Variants in AUTS2 observed in about 807,000 individuals in gnomAD.
AUTS2 encodes the protein activator of transcription and developmental regulator AUTS2.
In AUTS2, 17 loss-of-function variants were observed where a neutral mutation model predicts 112.4. That is an observed-to-expected ratio of 0.15 (90% CI 0.10 to 0.23). The LOEUF is 0.23. Among genes scored for constraint, AUTS2 ranks in the 10% least tolerant of loss-of-function variants. The pLI is 1.00. For synonymous variants in AUTS2, 751 were observed against 702.7 expected (o/e 1.07, Z -1.09); for missense variants, 1,510 against 1,701.6 (o/e 0.89, Z 1.98).
At chr7:69,665,466 T>C (rs895399163) in intron 1 of AUTS2, among the ~76,000 whole-genome samples, 2 of 152,206 alleles carry the variant, frequency 1.3e-5, no homozygotes, top group East Asian at 3.8e-4. Context: ...GGTTTAAAGC[T>C]GTAGGAGTCT....
chr7:70,629,134 G>A (rs1237081345), intron 5 of AUTS2, among the ~76,000 whole-genome samples: 1 of 152,172 alleles, frequency 6.6e-6, no homozygotes, highest in African/African-American at 2.4e-5. Context: ...GAAGAGGTCA[G>A]GTAGCAGCAT....
intron 4 of AUTS2, among the ~76,000 whole-genome samples, chr7:70,338,318 T>C (rs1791087705): frequency 6.6e-6 from 1 of 152,198 alleles, no homozygotes; most frequent in Admixed American, 6.5e-5. Context: ...ATGGTTTTGA[T>C]TGTCATGTGA....
chr7:70,769,638 C>T (rs182805474), intron 10 of AUTS2, among the ~76,000 whole-genome samples: 36 of 152,218 alleles, frequency 2.4e-4, no homozygotes, highest in African/African-American at 7.2e-4. Context: ...TGATCTGAGA[C>T]GGCTCCACTG....
chr7:69,740,480 T>C (rs1787215438), intron 1 of AUTS2, among the ~76,000 whole-genome samples: 1 of 152,146 alleles, frequency 6.6e-6, no homozygotes, highest in South Asian at 2.1e-4. Context: ...TTGTGAAACA[T>C]AATTAAAGAT....
At position 69,856,974 on chromosome 7, in the gene AUTS2, G is replaced by A. The variant is rs553651337; in HGVS notation, c.310-42312G>A. Among the ~76,000 whole-genome samples, 23 of 152,308 alleles carry A rather than the reference G, an allele frequency of 1.5e-4. No individual in the cohort carries two copies. In the East Asian group the frequency reaches 3.7e-3, roughly 24 times the overall value. ...AGGAACTACTGTTTTTCTTTGAAAAGCCAGGAATTTCACGGCTCCAGAGGA... is the reference window on the plus strand; with the variant it reads ...AGGAACTACTGTTTTTCTTTGAAAAACCAGGAATTTCACGGCTCCAGAGGA... On this transcript the variant is annotated intron_variant, in intron 1 of 18. Coordinates refer to ENST00000342771, the MANE Select transcript of AUTS2 (RefSeq NM_015570.4).
chr7:70,543,207 A>T (rs1243104253), intron 5 of AUTS2, among the ~76,000 whole-genome samples: 1 of 152,128 alleles, frequency 6.6e-6, no homozygotes, highest in African/African-American at 2.4e-5. Flanking sequence ...AGAGCTCTAT[A>T]AAAATGGTTT....
At chr7:70,685,271 G>A (rs1036241428) in intron 5 of AUTS2, among the ~76,000 whole-genome samples, 9 of 151,926 alleles carry the variant, frequency 5.9e-5, no homozygotes, top group African/African-American at 2.2e-4. Flanking sequence ...TCGGGAGTTC[G>A]AGACCAGCCT....
At chr7:69,638,841 C>G (rs1187792357) in intron 1 of AUTS2, among the ~76,000 whole-genome samples, 1 of 152,210 alleles carries the variant, frequency 6.6e-6, no homozygotes, top group Admixed American at 6.5e-5. Flanking sequence ...TCACCAGAGG[C>G]CCAGGTGCTA....
At chr7:69,646,627 C>T (rs1285987651) in intron 1 of AUTS2, among the ~76,000 whole-genome samples, 1 of 152,188 alleles carries the variant, frequency 6.6e-6, no homozygotes, top group Non-Finnish European at 1.5e-5. Context: ...AGGCTAATAA[C>T]AGACCAATGT....
At chr7:69,794,537 G>T (rs1789754047) in intron 1 of AUTS2, among the ~76,000 whole-genome samples, 1 of 152,142 alleles carries the variant, frequency 6.6e-6, no homozygotes, top group Non-Finnish European at 1.5e-5. Context: ...CTGTTTCTAG[G>T]AAGTTAATTT....
At chr7:70,006,024 G>A (rs780440614) in intron 2 of AUTS2, among the ~76,000 whole-genome samples, 7 of 152,074 alleles carry the variant, frequency 4.6e-5, no homozygotes, top group Non-Finnish European at 8.8e-5. Flanking sequence ...ACAAATGCAC[G>A]CATGTGTTAG....
chr7:70,192,304 CCT>C (rs963202853), intron 4 of AUTS2, among the ~76,000 whole-genome samples: 10 of 152,006 alleles, frequency 6.6e-5, no homozygotes, highest in African/African-American at 2.4e-4. Flanking sequence ...GAAAAAAATC[CCT>C]GTTTCTTATA....
intron 5 of AUTS2, among the ~76,000 whole-genome samples, chr7:70,585,490 ACTC>A (rs529598607): frequency 1.3e-3 from 193 of 151,960 alleles, no homozygotes; most frequent in African/African-American, 3.8e-3. Flanking sequence ...AAACAAATGA[ACTC>A]CTTCCGAGAG....
intron 5 of AUTS2, among the ~76,000 whole-genome samples, chr7:70,628,828 A>T (rs1027920724): frequency 3.3e-5 from 5 of 152,166 alleles, no homozygotes; most frequent in African/African-American, 1.2e-4. Flanking sequence ...GTAAACGGGC[A>T]GGAGACCTCT....
At chr7:70,025,074 G>C (rs1800453970) in intron 2 of AUTS2, among the ~76,000 whole-genome samples, 1 of 152,150 alleles carries the variant, frequency 6.6e-6, no homozygotes, top group Non-Finnish European at 1.5e-5. Flanking sequence ...GAGGTTATGG[G>C]ACAGCATTAG....
At chr7:70,003,257 A>C (rs1285784129) in intron 2 of AUTS2, among the ~76,000 whole-genome samples, 1 of 123,970 alleles carries the variant, frequency 8.1e-6, no homozygotes, top group Non-Finnish European at 1.6e-5. Flanking sequence ...ATATATGAAT[A>C]TATAATATAT....
intron 4 of AUTS2, among the ~76,000 whole-genome samples, chr7:70,265,920 C>G (rs1039824027): frequency 6.6e-6 from 1 of 152,016 alleles, no homozygotes; most frequent in Non-Finnish European, 1.5e-5. Context: ...TCAGTAAGGC[C>G]CAAATAAACT....
At chr7:69,623,520 C>CT (rs1162046579) in intron 1 of AUTS2, among the ~76,000 whole-genome samples, 1 of 150,838 alleles carries the variant, frequency 6.6e-6, no homozygotes, top group Non-Finnish European at 1.5e-5. Context: ...GTGTGAGACA[C>CT]TGTGCCTGGC....
chr7:69,887,359 T>A (rs1794323397), intron 1 of AUTS2, among the ~76,000 whole-genome samples: 1 of 143,730 alleles, frequency 7.0e-6, no homozygotes, highest in Non-Finnish European at 1.5e-5. Flanking sequence ...GAGGTTGCAG[T>A]GAGCTGAGAT....
Sources: gnomAD v4.1 joint callset for allele counts (sites outside exome capture counted in the v4.1 genomes callset) on GRCh38, gnomAD v4.1.1 for gene constraint, MANE v1.5 for transcripts, NCBI Gene and HGNC (gene_info 2026-07-23, HGNC 2026-07-21) for gene names.